The following FGF12 variants were observed in gnomAD, a reference collection of about 807,000 sequenced individuals.
FGF12 encodes fibroblast growth factor 12B.
FGF12 carries 14 observed loss-of-function variants against 23.6 expected under a neutral mutation model. The observed-to-expected ratio is 0.59, with a 90% CI of 0.39 to 0.93. FGF12 has a LOEUF of 0.93. Among genes scored for constraint, FGF12 ranks in the 40% least tolerant of loss-of-function variants. The pLI, the probability that FGF12 is intolerant of heterozygous loss-of-function variation, is 0.00. For missense variants in FGF12, 175 were observed against 217.8 expected, an observed-to-expected ratio of 0.80 and a Z score of 1.24; for synonymous variants, 62 against 77.3, an observed-to-expected ratio of 0.80 and a Z score of 1.04.
intron 2 of FGF12, among the ~76,000 whole-genome samples, chr3:192,685,287 G>A (rs1001698992): frequency 5.9e-5 from 9 of 152,136 alleles, no homozygotes; most frequent in Non-Finnish European, 1.2e-4. Flanking sequence ...TCTTGACCTC[G>A]TGATCCGCCC....
At chr3:192,682,247 C>A (rs751086165) in intron 2 of FGF12, among the ~76,000 whole-genome samples, 1 of 152,178 alleles carries the variant, frequency 6.6e-6, no homozygotes, top group Admixed American at 6.5e-5. Flanking sequence ...CCAATATTAT[C>A]TGCTATAAGC....
chr3:192,601,598 T>G (rs968907333), intron 2 of FGF12, among the ~76,000 whole-genome samples: 1 of 151,986 alleles, frequency 6.6e-6, no homozygotes, highest in Non-Finnish European at 1.5e-5. Context: ...AAAAAGTCAC[T>G]GGTTGCTAGG....
intron 4 of FGF12, among the ~76,000 whole-genome samples, chr3:192,243,524 C>T (rs112140525): frequency 0.01 from 1,239 of 123,454 alleles, 15 homozygotes; most frequent in African/African-American, 0.038. Context: ...AACATTAGGG[C>T]AGCTTTATGG....
At chr3:192,356,832 G>C (rs1396471848) in intron 3 of FGF12, among the ~76,000 whole-genome samples, 1 of 152,150 alleles carries the variant, frequency 6.6e-6, no homozygotes, top group East Asian at 1.9e-4. Context: ...TAACAACTTA[G>C]AGGTTTATAA....
At chr3:192,689,080 G>T (rs1306773580) in intron 2 of FGF12, among the ~76,000 whole-genome samples, 1 of 152,152 alleles carries the variant, frequency 6.6e-6, no homozygotes, top group Non-Finnish European at 1.5e-5. Flanking sequence ...GAAGATGGAA[G>T]GGGTATATGG....
chr3:192,655,220 T>C (rs1716357633), intron 2 of FGF12, among the ~76,000 whole-genome samples: 5 of 152,194 alleles, frequency 3.3e-5, no homozygotes, highest in African/African-American at 7.2e-5. Context: ...ATTAACACAA[T>C]CTCTGTATTG....
chr3:192,691,574 C>T (rs1489478366), intron 2 of FGF12, among the ~76,000 whole-genome samples: 1 of 151,796 alleles, frequency 6.6e-6, no homozygotes, highest in East Asian at 1.9e-4. Flanking sequence ...TGAATGCCTA[C>T]ATTAAAAAGA....
At chr3:192,179,742 C>G (rs1716066087) in intron 4 of FGF12, among the ~76,000 whole-genome samples, 1 of 151,934 alleles carries the variant, frequency 6.6e-6, no homozygotes, top group African/African-American at 2.4e-5. Context: ...GACAGGGTTT[C>G]ATTATATTGT....
intron 4 of FGF12, among the ~76,000 whole-genome samples, chr3:192,274,886 T>A (rs1713682958): frequency 6.6e-6 from 1 of 152,084 alleles, no homozygotes; most frequent in African/African-American, 2.4e-5. Context: ...CAGTACAAAG[T>A]CCATGGTTTA....
intron 2 of FGF12, among the ~76,000 whole-genome samples, chr3:192,668,069 A>G (rs536666965): frequency 1.3e-5 from 2 of 152,288 alleles, no homozygotes; most frequent in Admixed American, 1.3e-4. Flanking sequence ...ATGTCCAAGA[A>G]TGGAGAATTG....
chr3:192,596,501 A>C (rs531739952), intron 2 of FGF12, among the ~76,000 whole-genome samples: 1 of 152,144 alleles, frequency 6.6e-6, no homozygotes, highest in Admixed American at 6.6e-5. Context: ...TGAATAGGGT[A>C]TGTGTATTAC....
intron 2 of FGF12, among the ~76,000 whole-genome samples, chr3:192,706,021 T>G (rs1156987873): frequency 1.3e-5 from 2 of 152,146 alleles, no homozygotes; most frequent in Non-Finnish European, 2.9e-5. Context: ...ACACAATTGG[T>G]TTCTCATACA....
chr3:192,613,586 A>G (rs1176558520), intron 2 of FGF12, among the ~76,000 whole-genome samples: 1 of 151,958 alleles, frequency 6.6e-6, no homozygotes, highest in Non-Finnish European at 1.5e-5. Flanking sequence ...GTAGACCTTC[A>G]ACACAATTTT....
At chr3:192,167,747 A>T (rs1291521422) in intron 5 of FGF12, among the ~76,000 whole-genome samples, 4 of 24,464 alleles carry the variant, frequency 1.6e-4, no homozygotes, top group African/African-American at 8.1e-4. Context: ...ATATATATAT[A>T]TATATATATA....
intron 4 of FGF12, among the ~76,000 whole-genome samples, chr3:192,263,310 A>G (rs567744289): frequency 2.8e-4 from 42 of 152,250 alleles, no homozygotes; most frequent in African/African-American, 9.6e-4. Flanking sequence ...TTCTAACTAC[A>G]TTGGGCCTTA....
intron 2 of FGF12, among the ~76,000 whole-genome samples, chr3:192,378,342 C>T (rs1719664869): frequency 6.7e-6 from 1 of 149,884 alleles, no homozygotes; most frequent in Non-Finnish European, 1.5e-5. Context: ...AACTCCTGGG[C>T]TCATGCCATC....
intron 2 of FGF12, among the ~76,000 whole-genome samples, chr3:192,650,587 T>C (rs376266081): frequency 1.9e-4 from 29 of 152,290 alleles, no homozygotes; most frequent in East Asian, 1.4e-3. Context: ...TGTCCTTAAA[T>C]ACATTTTTAG....
chr3:192,705,389 C>G (rs1464431198), intron 2 of FGF12, among the ~76,000 whole-genome samples: 1 of 152,162 alleles, frequency 6.6e-6, no homozygotes, highest in African/African-American at 2.4e-5. Flanking sequence ...GGGGAACAGA[C>G]AGTCAGTCAG....
chr3:192,605,537 T>C (rs575527836), intron 2 of FGF12, among the ~76,000 whole-genome samples: 2 of 152,174 alleles, frequency 1.3e-5, no homozygotes, highest in African/African-American at 2.4e-5. Context: ...GCAAAACAAC[T>C]AACAACAGAG....
Sources: allele counts gnomAD v4.1 joint callset (sites outside exome capture counted in the v4.1 genomes callset), GRCh38; gene constraint gnomAD v4.1.1; transcripts MANE v1.5; gene names NCBI Gene and HGNC (gene_info 2026-07-23, HGNC 2026-07-21).